HEMK2: variants seen among roughly 807,000 people sequenced by gnomAD.
HEMK2 encodes HemK methyltransferase 2, ETF1 glutamine and histone H4 lysine.
the HEMK2 span, among the ~76,000 whole-genome samples, chr21:28,822,459 T>C: frequency 6.6e-6 from 1 of 152,204 alleles, no homozygotes; most frequent in Non-Finnish European, 1.5e-5. Flanking sequence ...TAAAAAGATA[T>C]AGGAGACCAA....
chr21:28,607,638 T>G, the HEMK2 span, among the ~76,000 whole-genome samples: 1 of 152,328 alleles, frequency 6.6e-6, no homozygotes, highest in East Asian at 1.9e-4. Context: ...GAGATTAAAC[T>G]GTAAACTTCA....
the HEMK2 span, among the ~76,000 whole-genome samples, chr21:28,815,801 T>C: frequency 1.3e-4 from 20 of 152,250 alleles, no homozygotes; most frequent in East Asian, 3.7e-3. Flanking sequence ...ACAGAATTCA[T>C]AGAAGAATTG....
the HEMK2 span, among the ~76,000 whole-genome samples, chr21:28,779,171 T>G: frequency 6.6e-6 from 1 of 152,226 alleles, no homozygotes; most frequent in African/African-American, 2.4e-5. Context: ...CCACATTCAT[T>G]GCAACATTAT....
chr21:28,675,253 A>G, the HEMK2 span, among the ~76,000 whole-genome samples: 1 of 152,206 alleles, frequency 6.6e-6, no homozygotes, highest in African/African-American at 2.4e-5. Context: ...TTGCTGCTTT[A>G]AACAATACAT....
the HEMK2 span, among the ~76,000 whole-genome samples, chr21:28,819,811 G>A: frequency 6.6e-6 from 1 of 152,004 alleles, no homozygotes; most frequent in Non-Finnish European, 1.5e-5. Context: ...GCCTCCCAAA[G>A]TGCTGGGATT....
the HEMK2 span, among the ~76,000 whole-genome samples, chr21:28,683,226 A>G: frequency 1.3e-5 from 2 of 152,170 alleles, no homozygotes; most frequent in Non-Finnish European, 2.9e-5. Context: ...TAATAGTAAC[A>G]TACACATTTT....
the HEMK2 span, among the ~76,000 whole-genome samples, chr21:28,698,699 C>T: frequency 6.6e-6 from 1 of 152,152 alleles, no homozygotes; most frequent in Non-Finnish European, 1.5e-5. Flanking sequence ...ACTCCATCTC[C>T]TATGAACTGT....
chr21:28,575,977 T>C, the HEMK2 span, among the ~76,000 whole-genome samples: 4 of 152,256 alleles, frequency 2.6e-5, no homozygotes, highest in African/African-American at 9.6e-5. Flanking sequence ...CACACATTGT[T>C]TAATTATTCA....
the HEMK2 span, among the ~76,000 whole-genome samples, chr21:28,822,141 G>A: frequency 6.6e-6 from 1 of 151,236 alleles, no homozygotes; most frequent in Non-Finnish European, 1.5e-5. Flanking sequence ...CACTAGTTTA[G>A]CCACACTCTG....
chr21:28,769,027 T>C, the HEMK2 span, among the ~76,000 whole-genome samples: 1 of 151,972 alleles, frequency 6.6e-6, no homozygotes, highest in Non-Finnish European at 1.5e-5. Context: ...GCCTCCAGAA[T>C]GGTGAAAAAA....
chr21:28,640,687 T>C, the HEMK2 span, among the ~76,000 whole-genome samples: 6 of 148,820 alleles, frequency 4.0e-5, no homozygotes, highest in African/African-American at 9.6e-5. Context: ...ATGTCTGATC[T>C]AGGCTTCAAA....
chr21:28,717,480 C>CTTTTTTTTTTTTTTT, the HEMK2 span, among the ~76,000 whole-genome samples: 4 of 117,324 alleles, frequency 3.4e-5, no homozygotes, highest in African/African-American at 1.4e-4. Context: ...TCATTTTAGT[C>CTTTTTTTTTTTTTTT]TTTTTTTTTT....
chr21:28,695,412 G>C, the HEMK2 span, among the ~76,000 whole-genome samples: 1 of 152,114 alleles, frequency 6.6e-6, no homozygotes, highest in Non-Finnish European at 1.5e-5. Flanking sequence ...CCAAGACTGG[G>C]TAATTTATAA....
At chr21:28,864,176 G>A in the HEMK2 span, among the ~76,000 whole-genome samples, 1 of 152,050 alleles carries the variant, frequency 6.6e-6, no homozygotes, top group Non-Finnish European at 1.5e-5. Flanking sequence ...TCCTCCCCTT[G>A]GCTGGATGAA....
the HEMK2 span, among the ~76,000 whole-genome samples, chr21:28,593,858 T>A: frequency 1.3e-5 from 2 of 152,214 alleles, no homozygotes; most frequent in Admixed American, 6.5e-5. Context: ...CCAAATATTT[T>A]ATGTACTCTA....
At chr21:28,864,856 T>C in the HEMK2 span, among the ~76,000 whole-genome samples, 17 of 136,660 alleles carry the variant, frequency 1.2e-4, no homozygotes, top group African/African-American at 4.3e-4. Context: ...GATAGATAGA[T>C]AGATAGATAG....
At chr21:28,883,125 G>T in the HEMK2 span, 1 of 1,256,280 alleles carries the variant, frequency 8.0e-7, no homozygotes. Flanking sequence ...ACTCTTCACA[G>T]AAAACTCTCA....
the HEMK2 span, chr21:28,876,189 T>A: frequency 2.6e-6 from 1 of 380,944 alleles, no homozygotes; most frequent in African/African-American, 2.1e-5. Flanking sequence ...AAATGCAAAC[T>A]ATAAATATAA....
the HEMK2 span, among the ~76,000 whole-genome samples, chr21:28,755,544 G>T: frequency 2.0e-5 from 3 of 152,144 alleles, no homozygotes; most frequent in Non-Finnish European, 4.4e-5. Flanking sequence ...TATCTTCTGT[G>T]GGAAGAGCTC....
Sources: allele counts gnomAD v4.1 joint callset (sites outside exome capture counted in the v4.1 genomes callset), GRCh38; gene constraint gnomAD v4.1.1; transcripts MANE v1.5; gene names NCBI Gene and HGNC (gene_info 2026-07-23, HGNC 2026-07-21).